Variants in SLC9C2 observed in about 807,000 individuals in gnomAD.
SLC9C2 encodes the protein sodium/hydrogen exchanger 11.
Under a neutral mutation model 140.2 loss-of-function variants are expected in SLC9C2, and 75 were observed. The observed-to-expected ratio is 0.53, with a 90% CI of 0.44 to 0.65. The LOEUF is 0.65. Among genes scored for constraint, SLC9C2 ranks in the 30% least tolerant of loss-of-function variants. SLC9C2 has a pLI of 0.00. For synonymous variants in SLC9C2, 375 were observed against 420.9 expected (o/e 0.89, Z 1.34); for missense variants, 1,074 against 1,331.8 (o/e 0.81, Z 3.01).
At chr1:173,561,472 C>G (rs922618073) in intron 9 of SLC9C2, among the ~76,000 whole-genome samples, 7 of 152,198 alleles carry the variant, frequency 4.6e-5, no homozygotes, top group Non-Finnish European at 8.8e-5. Flanking sequence ...AATCAGCATC[C>G]TCTGACCTCA....
intron 24 of SLC9C2, among the ~76,000 whole-genome samples, chr1:173,507,950 C>A (rs758002423): frequency 2.0e-5 from 3 of 152,080 alleles, no homozygotes; most frequent in Non-Finnish European, 4.4e-5. Context: ...GAGATCAGCC[C>A]AACAGTAGGC....
chr1:173,595,545 G>A (rs943410207), intron 4 of SLC9C2, among the ~76,000 whole-genome samples: 5 of 152,156 alleles, frequency 3.3e-5, no homozygotes, highest in East Asian at 1.9e-4. Context: ...CATACCAAAC[G>A]AAAAATTTTA....
At chr1:173,531,168 A>G (rs1661552452) in intron 17 of SLC9C2, among the ~76,000 whole-genome samples, 1 of 152,344 alleles carries the variant, frequency 6.6e-6, no homozygotes, top group Non-Finnish European at 1.5e-5. Flanking sequence ...TAATTAAACC[A>G]GATAATTTAT....
At chr1:173,598,830 G>C (rs1476591487) in intron 3 of SLC9C2, among the ~76,000 whole-genome samples, 1 of 152,186 alleles carries the variant, frequency 6.6e-6, no homozygotes. Flanking sequence ...GCTAGTAGTA[G>C]TGATGGTATT....
intron 13 of SLC9C2, among the ~76,000 whole-genome samples, chr1:173,541,559 C>A (rs1423496326): frequency 6.6e-6 from 1 of 152,182 alleles, no homozygotes; most frequent in East Asian, 1.9e-4. Context: ...AATATACATT[C>A]TTCTCAGCAC....
chr1:173,562,264 T>C (rs1376672430), intron 9 of SLC9C2, among the ~76,000 whole-genome samples: 3 of 152,200 alleles, frequency 2.0e-5, no homozygotes, highest in Non-Finnish European at 2.9e-5. Context: ...TTTTTTCTAA[T>C]TTTGTACCTC....
chr1:173,576,310 C>T (rs1022420147), intron 8 of SLC9C2, among the ~76,000 whole-genome samples: 6 of 152,172 alleles, frequency 3.9e-5, no homozygotes, highest in African/African-American at 1.4e-4. Context: ...TGCTACTCGT[C>T]TTTTCCAGCT....
chr1:173,598,331 G>A (rs1299779552), intron 3 of SLC9C2, among the ~76,000 whole-genome samples: 1 of 152,144 alleles, frequency 6.6e-6, no homozygotes, highest in Non-Finnish European at 1.5e-5. Context: ...GGTGATATCA[G>A]AAAATATTTT....
chr1:173,584,240 G>A (rs1172473775), intron 5 of SLC9C2, among the ~76,000 whole-genome samples: 1 of 152,060 alleles, frequency 6.6e-6, no homozygotes, highest in Non-Finnish European at 1.5e-5. Flanking sequence ...AGTGAAAGAA[G>A]CCAGACACAA....
At chr1:173,550,917 G>C (rs1286668302) in intron 11 of SLC9C2, among the ~76,000 whole-genome samples, 1 of 91,104 alleles carries the variant, frequency 1.1e-5, no homozygotes, top group Non-Finnish European at 2.2e-5. Flanking sequence ...AGAAGGAAGG[G>C]AAGGGAAGAG....
intron 8 of SLC9C2, among the ~76,000 whole-genome samples, chr1:173,574,226 G>T (rs1392624927): frequency 2.0e-5 from 3 of 152,156 alleles, no homozygotes; most frequent in African/African-American, 7.2e-5. Context: ...AAGTGCATCT[G>T]CCCCACAAAC....
intron 9 of SLC9C2, among the ~76,000 whole-genome samples, chr1:173,559,948 C>A (rs187474670): frequency 1.3e-5 from 2 of 152,298 alleles, no homozygotes; most frequent in East Asian, 3.9e-4. Context: ...GTCATAACCT[C>A]CATCATCTTC....
Position 173,547,803 on chromosome 1 carries a change from C to T in SLC9C2, c.1462-19G>A, listed in dbSNP as rs768318737. ...GGGAAAACTGAACCGTATCAGATGA[C>T]ATTTTAAAACATAAAGGGATAAAGT... is the stretch of plus-strand genomic sequence containing the variant. On this transcript the variant is annotated intron_variant, in intron 12 of 27. Transcript: ENST00000367714. 8.4e-6 allele frequency: 13 copies of T among 1,556,694 alleles called. No homozygotes were observed. The highest frequency in any genetic ancestry group is 9.7e-6 in the Non-Finnish European group (11 of 1,132,230).
At chr1:173,562,979 A>T (rs1201541635) in intron 9 of SLC9C2, among the ~76,000 whole-genome samples, 1 of 152,006 alleles carries the variant, frequency 6.6e-6, no homozygotes, top group Non-Finnish European at 1.5e-5. Flanking sequence ...ACAGTGAGAA[A>T]GAGTGTGGGA....
At chr1:173,543,943 T>C (rs942423470) in intron 13 of SLC9C2, among the ~76,000 whole-genome samples, 10 of 152,180 alleles carry the variant, frequency 6.6e-5, no homozygotes, top group African/African-American at 2.4e-4. Context: ...TACATAGGCA[T>C]GGGCAAGGAC....
intron 9 of SLC9C2, among the ~76,000 whole-genome samples, chr1:173,558,378 T>A (rs903559246): frequency 1.3e-4 from 20 of 152,168 alleles, no homozygotes; most frequent in African/African-American, 4.8e-4. Context: ...CCCTAAAATA[T>A]CAGAGTCCAA....
chr1:173,505,820 A>T (rs1659596586), intron 25 of SLC9C2, among the ~76,000 whole-genome samples: 1 of 152,190 alleles, frequency 6.6e-6, no homozygotes, highest in African/African-American at 2.4e-5. Context: ...TAACCCGATA[A>T]GATGGCTGCT....
intron 2 of SLC9C2, 133 bp from the exon 3 acceptor site, chr1:173,600,350 CTTTGGGATGGTGCAAAAGTGATACACA>C (rs1200787467): frequency 2.7e-6 from 1 of 371,666 alleles, no homozygotes; most frequent in Non-Finnish European, 4.8e-6. Context: ...TGTGGCTTAA[CTTTGGGATGGTGCAAAAGTGATACACA>C]TTTGGTAGAA....
chr1:173,533,568 A>C, intron 17 of SLC9C2, 41 bp downstream of exon 17: 1 of 1,469,626 alleles, frequency 6.8e-7, no homozygotes, highest in South Asian at 1.2e-5. Context: ...GTGAGCTACC[A>C]CTCCTGGCAA....
Sources: allele counts gnomAD v4.1 joint callset (sites outside exome capture counted in the v4.1 genomes callset), GRCh38; gene constraint gnomAD v4.1.1; transcripts MANE v1.5; gene names NCBI Gene and HGNC (gene_info 2026-07-23, HGNC 2026-07-21).